Variants in DGKG observed in about 807,000 individuals in gnomAD.
The protein encoded by DGKG is DAG kinase gamma.
Under a neutral mutation model 105.3 loss-of-function variants are expected in DGKG, and 78 were observed. That is an observed-to-expected ratio of 0.74 (90% CI 0.62 to 0.89). DGKG has a LOEUF of 0.89. Among genes scored for constraint, DGKG ranks in the 40% least tolerant of loss-of-function variants. The probability of loss-of-function intolerance (pLI) is 0.00; values close to 1 mark genes in which losing one functional copy is unlikely to be tolerated. For missense variants in DGKG, 958 were observed against 1,020.1 expected (o/e 0.94, Z 0.83); for synonymous variants, 346 against 367.1 (o/e 0.94, Z 0.66).
At position 186,269,148 on chromosome 3, in the gene DGKG, T is replaced by A. The variant is rs189150557; in HGVS notation, c.1000-231A>T. ...TAGATTAAAAGCTCGCTTTGCCACA[T>A]TTTGAACAGCTCAATCGCCCTGGAA... On this transcript the variant is annotated intron_variant, in intron 11 of 24. Transcript: ENST00000265022. Among the ~76,000 whole-genome samples, 181 of 152,358 alleles carry A rather than the reference T, an allele frequency of 1.2e-3. 2 individuals carry two copies. The Middle Eastern group carries it at 0.024, about 20-fold the overall frequency.
intron 20 of DGKG, among the ~76,000 whole-genome samples, chr3:186,221,215 T>C (rs1049610133): frequency 6.6e-6 from 1 of 152,198 alleles, no homozygotes; most frequent in Admixed American, 6.5e-5. Context: ...GGGAGAATGC[T>C]GAGGGGCAGG....
At chr3:186,220,734 A>G (rs1719526838) in intron 20 of DGKG, among the ~76,000 whole-genome samples, 1 of 152,132 alleles carries the variant, frequency 6.6e-6, no homozygotes, top group South Asian at 2.1e-4. Flanking sequence ...CTTGTCCCAG[A>G]GTAACAAAGG....
chr3:186,230,362 C>T (rs1478152063), intron 20 of DGKG, among the ~76,000 whole-genome samples: 2 of 152,108 alleles, frequency 1.3e-5, no homozygotes, highest in South Asian at 2.1e-4. Flanking sequence ...TAAGTAGGTT[C>T]GTTCAGAATA....
chr3:186,266,321 A>C (rs911517561), intron 13 of DGKG, among the ~76,000 whole-genome samples: 1 of 152,138 alleles, frequency 6.6e-6, no homozygotes, highest in African/African-American at 2.4e-5. Flanking sequence ...GTTCTTTTCC[A>C]TTGCAATGTA....
chr3:186,328,436 C>T (rs1367932352), intron 1 of DGKG, among the ~76,000 whole-genome samples: 1 of 152,192 alleles, frequency 6.6e-6, no homozygotes, highest in East Asian at 1.9e-4. Flanking sequence ...CCTGAAGGAG[C>T]TGATGCTCCT....
intron 1 of DGKG, among the ~76,000 whole-genome samples, chr3:186,331,227 C>T (rs1725588094): frequency 6.6e-6 from 1 of 152,194 alleles, no homozygotes; most frequent in Admixed American, 6.5e-5. Context: ...GCAAGACTGA[C>T]ATGCAATGAC....
At chr3:186,205,695 A>G (rs1478439906) in intron 21 of DGKG, among the ~76,000 whole-genome samples, 1 of 145,772 alleles carries the variant, frequency 6.9e-6, no homozygotes, top group African/African-American at 2.5e-5. Flanking sequence ...GGGTGACAGC[A>G]AGAGCTCCAT....
At position 186,268,393 on chromosome 3, in the gene DGKG, G is replaced by T. The variant is rs376992724; in HGVS notation, c.1116+408C>A. 3.3e-5 allele frequency among the ~76,000 whole-genome samples: 5 copies of T among 152,306 alleles called. 1 individual carries two copies. Among genetic ancestry groups the T allele is most frequent in the African/African-American group, 1.2e-4 (5 of 41,564 alleles). ...AACCTTTGGCCCAGGCAGTGGGGCTGCTCTGAGGAATGTGCCTTCAGGGCA... is the reference window on the plus strand; with the variant it reads ...AACCTTTGGCCCAGGCAGTGGGGCTTCTCTGAGGAATGTGCCTTCAGGGCA... On this transcript the variant is annotated intron_variant, in intron 12 of 24. Coordinates refer to ENST00000265022, the MANE Select transcript of DGKG (RefSeq NM_001346.3).
intron 13 of DGKG, among the ~76,000 whole-genome samples, chr3:186,266,989 G>A (rs1373044242): frequency 6.6e-6 from 1 of 152,194 alleles, no homozygotes; most frequent in Non-Finnish European, 1.5e-5. Context: ...TTTAAGATGG[G>A]AAGATGGCAA....
intron 24 of DGKG, chr3:186,159,981 C>T (rs1023821129): frequency 1.2e-5 from 2 of 170,140 alleles, no homozygotes; most frequent in Non-Finnish European, 2.4e-5. Context: ...GAGAGGCCTC[C>T]CCAGAAACCA....
At chr3:186,274,635 G>A (rs1722491584) in intron 10 of DGKG, among the ~76,000 whole-genome samples, 2 of 149,820 alleles carry the variant, frequency 1.3e-5, no homozygotes, top group African/African-American at 4.9e-5. Flanking sequence ...AGAACATGCG[G>A]TGTTTGGTTT....
intron 5 of DGKG, among the ~76,000 whole-genome samples, chr3:186,293,119 C>T (rs553191041): frequency 1.8e-4 from 28 of 152,310 alleles, no homozygotes; most frequent in Non-Finnish European, 3.2e-4. Flanking sequence ...AATACATCAA[C>T]ACATCATTAT....
At position 186,164,915 on chromosome 3, in the gene DGKG, G is replaced by A. The variant is rs546201700; in HGVS notation, c.2199C>T (p.Cys733=). 137 of 1,613,132 alleles carry A rather than the reference G, an allele frequency of 8.5e-5. No individual in the cohort carries two copies. The highest frequency in any genetic ancestry group is 3.0e-4 in the Admixed American group (18 of 59,882). Residue 733 remains cysteine (C), a synonymous_variant, in exon 23 of 25, where the codon TGC becomes TGT. Transcript: ENST00000265022. ...AGGCATACCTGATGGTGACAGAGGC[G>A]CACTGGGCCAGCCTCCTGCCTGCAC... ...LKSAGRRLAQ[C]ASVTIRTNKL... is the part of the protein sequence containing the mutation.
At chr3:186,337,821 C>A (rs1292688990) in intron 1 of DGKG, among the ~76,000 whole-genome samples, 1 of 152,120 alleles carries the variant, frequency 6.6e-6, no homozygotes, top group Non-Finnish European at 1.5e-5. Context: ...ACACTAGCAA[C>A]AGCCAATTAG....
At chr3:186,329,848 T>C (rs1725517699) in intron 1 of DGKG, among the ~76,000 whole-genome samples, 1 of 152,228 alleles carries the variant, frequency 6.6e-6, no homozygotes, top group Non-Finnish European at 1.5e-5. Flanking sequence ...TTTGGGTTTT[T>C]CTCCATTATG....
intron 20 of DGKG, among the ~76,000 whole-genome samples, chr3:186,214,268 A>G (rs531305910): frequency 1.3e-5 from 2 of 152,192 alleles, no homozygotes; most frequent in Non-Finnish European, 2.9e-5. Context: ...TAATGTTTTT[A>G]AGCCTCAGTT....
intron 21 of DGKG, among the ~76,000 whole-genome samples, chr3:186,194,769 TC>T (rs1228705758): frequency 7.8e-6 from 1 of 127,884 alleles, no homozygotes; most frequent in Non-Finnish European, 1.6e-5. Flanking sequence ...TTATTGTCCC[TC>T]CCATCTTCCA....
intron 19 of DGKG, among the ~76,000 whole-genome samples, chr3:186,248,363 GC>G (rs1288729768): frequency 6.6e-6 from 1 of 152,226 alleles, no homozygotes; most frequent in African/African-American, 2.4e-5. Flanking sequence ...CTGGCTTCCA[GC>G]CCGTTGCTTA....
intron 20 of DGKG, among the ~76,000 whole-genome samples, chr3:186,222,219 A>G (rs567188105): frequency 6.6e-6 from 1 of 152,324 alleles, no homozygotes; most frequent in South Asian, 2.1e-4. Context: ...TCGGGTTACA[A>G]AAGTTCCTTG....
Sources: allele counts gnomAD v4.1 joint callset (sites outside exome capture counted in the v4.1 genomes callset), GRCh38; gene constraint gnomAD v4.1.1; transcripts MANE v1.5; gene names NCBI Gene and HGNC (gene_info 2026-07-23, HGNC 2026-07-21).